SLC10A7: variants seen among roughly 807,000 people sequenced by gnomAD.
SLC10A7 encodes the protein solute carrier family 10 member 7.
A neutral mutation model predicts 43.2 loss-of-function variants in SLC10A7; 29 were observed. That is an observed-to-expected ratio of 0.67 (90% CI 0.50 to 0.92). The LOEUF is 0.92. Among genes scored for constraint, SLC10A7 ranks in the 40% least tolerant of loss-of-function variants. SLC10A7 has a pLI of 0.00. For synonymous variants in SLC10A7, 152 were observed against 144.8 expected (o/e 1.05, Z -0.35); for missense variants, 295 against 403.2 (o/e 0.73, Z 2.30).
At chr4:146,515,672 G>A (rs1465325794) in intron 2 of SLC10A7, among the ~76,000 whole-genome samples, 1 of 152,142 alleles carries the variant, frequency 6.6e-6, no homozygotes, top group Non-Finnish European at 1.5e-5. Flanking sequence ...CACTATGGGA[G>A]GCTGAAGTGG....
chr4:146,425,808 C>T (rs139546242), intron 5 of SLC10A7, among the ~76,000 whole-genome samples: 1 of 152,278 alleles, frequency 6.6e-6, no homozygotes, highest in African/African-American at 2.4e-5. Context: ...AAATGATGGA[C>T]ATGTCTGTTT....
chr4:146,355,377 A>C (rs996626796), intron 5 of SLC10A7, among the ~76,000 whole-genome samples: 2 of 152,206 alleles, frequency 1.3e-5, no homozygotes, highest in Admixed American at 1.3e-4. Context: ...ATCATTAAAA[A>C]GTCAGGAAAC....
intron 4 of SLC10A7, among the ~76,000 whole-genome samples, chr4:146,486,846 C>T (rs1441889647): frequency 6.6e-6 from 1 of 152,210 alleles, no homozygotes; most frequent in Non-Finnish European, 1.5e-5. Context: ...GCAGGACACA[C>T]AGGCTTGGCC....
intron 5 of SLC10A7, among the ~76,000 whole-genome samples, chr4:146,379,517 C>T (rs1355976975): frequency 6.6e-6 from 1 of 152,084 alleles, no homozygotes; most frequent in Non-Finnish European, 1.5e-5. Flanking sequence ...GATAGCTGAT[C>T]TAAAATGAAA....
intron 4 of SLC10A7, among the ~76,000 whole-genome samples, chr4:146,462,409 A>G (rs1271020161): frequency 6.6e-6 from 1 of 152,136 alleles, no homozygotes; most frequent in Non-Finnish European, 1.5e-5. Context: ...TAAGGATTAG[A>G]CAGCAGCCCA....
At chr4:146,405,919 T>TA (rs763912492) in intron 5 of SLC10A7, among the ~76,000 whole-genome samples, 3 of 152,124 alleles carry the variant, frequency 2.0e-5, no homozygotes, top group Non-Finnish European at 4.4e-5. Context: ...AAAAACTGAA[T>TA]TTGTGGATCC....
intron 4 of SLC10A7, among the ~76,000 whole-genome samples, chr4:146,475,464 A>C (rs1733937850): frequency 6.6e-6 from 1 of 152,258 alleles, no homozygotes; most frequent in African/African-American, 2.4e-5. Flanking sequence ...GTTAGAAGTC[A>C]CAAGGATTCA....
intron 5 of SLC10A7, among the ~76,000 whole-genome samples, chr4:146,385,599 A>C (rs1213803145): frequency 6.6e-6 from 1 of 152,062 alleles, no homozygotes; most frequent in African/African-American, 2.4e-5. Flanking sequence ...AATTTTTTTA[A>C]CTCGAAATAA....
intron 9 of SLC10A7, among the ~76,000 whole-genome samples, chr4:146,289,330 T>A (rs1433626875): frequency 6.6e-6 from 1 of 152,222 alleles, no homozygotes; most frequent in Non-Finnish European, 1.5e-5. Flanking sequence ...TCACTGGAAA[T>A]GTACTGATCA....
At chr4:146,480,026 C>G (rs1006418316) in intron 4 of SLC10A7, among the ~76,000 whole-genome samples, 3 of 152,040 alleles carry the variant, frequency 2.0e-5, no homozygotes, top group Non-Finnish European at 4.4e-5. Flanking sequence ...CCCTAGATGT[C>G]TGACTTTTGT....
At chr4:146,396,586 A>G (rs1031587760) in intron 5 of SLC10A7, among the ~76,000 whole-genome samples, 2 of 152,132 alleles carry the variant, frequency 1.3e-5, no homozygotes, top group Admixed American at 1.3e-4. Flanking sequence ...TAGTTCAATC[A>G]GTTGCAGCAC....
intron 5 of SLC10A7, among the ~76,000 whole-genome samples, chr4:146,398,640 G>A (rs373126371): frequency 2.6e-5 from 4 of 152,204 alleles, no homozygotes; most frequent in African/African-American, 9.6e-5. Flanking sequence ...AAGAATCTGT[G>A]GGTGATGTCA....
At chr4:146,366,587 G>A (rs964204426) in intron 5 of SLC10A7, among the ~76,000 whole-genome samples, 1 of 152,080 alleles carries the variant, frequency 6.6e-6, no homozygotes, top group Non-Finnish European at 1.5e-5. Flanking sequence ...AGCTGCCAAT[G>A]TTTTCTTGGT....
At chr4:146,439,402 C>T (rs1248721316) in intron 5 of SLC10A7, among the ~76,000 whole-genome samples, 1 of 152,026 alleles carries the variant, frequency 6.6e-6, no homozygotes, top group Non-Finnish European at 1.5e-5. Flanking sequence ...AAAAGCCTTT[C>T]ATTCAAAGTT....
chr4:146,490,725 G>A (rs914447581), intron 4 of SLC10A7, among the ~76,000 whole-genome samples: 11 of 151,842 alleles, frequency 7.2e-5, no homozygotes, highest in African/African-American at 2.7e-4. Flanking sequence ...CTTGCATGAA[G>A]GAAAAAAAAC....
intron 4 of SLC10A7, among the ~76,000 whole-genome samples, chr4:146,467,895 G>T (rs1733193855): frequency 6.6e-6 from 1 of 152,124 alleles, no homozygotes; most frequent in Admixed American, 6.5e-5. Context: ...CAGCCTCCTG[G>T]ATCTATGTGA....
At chr4:146,377,225 CT>C (rs1737268489) in intron 5 of SLC10A7, among the ~76,000 whole-genome samples, 1 of 152,112 alleles carries the variant, frequency 6.6e-6, no homozygotes, top group South Asian at 2.1e-4. Context: ...GGAACCTTTA[CT>C]TTACTTTTTA....
chr4:146,319,821 T>C (rs955549436), intron 6 of SLC10A7, among the ~76,000 whole-genome samples: 1 of 151,718 alleles, frequency 6.6e-6, no homozygotes, highest in Non-Finnish European at 1.5e-5. Context: ...AATGTGAAAA[T>C]ATAGGAGAAA....
At chr4:146,297,456 A>G (rs752182837) in intron 7 of SLC10A7, among the ~76,000 whole-genome samples, 2 of 152,196 alleles carry the variant, frequency 1.3e-5, no homozygotes, top group Non-Finnish European at 2.9e-5. Context: ...TGAGATAGAT[A>G]TAAAGTATAA....
Sources: gnomAD v4.1 joint callset for allele counts (sites outside exome capture counted in the v4.1 genomes callset) on GRCh38, gnomAD v4.1.1 for gene constraint, MANE v1.5 for transcripts, NCBI Gene and HGNC (gene_info 2026-07-23, HGNC 2026-07-21) for gene names.